ULK4: variants seen among roughly 807,000 people sequenced by gnomAD.
ULK4 encodes inactive serine/threonine-protein kinase ULK4.
Under a neutral mutation model 160.6 loss-of-function variants are expected in ULK4, and 133 were observed. The observed-to-expected ratio is 0.83, with a 90% CI of 0.72 to 0.96. The LOEUF (loss-of-function observed/expected upper bound fraction) is 0.96, where lower values mean the gene tolerates loss of function less well. Ranked by LOEUF, ULK4 falls within the 40% of genes least tolerant of loss-of-function variation. The pLI, the probability that ULK4 is intolerant of heterozygous loss-of-function variation, is 0.00. For missense variants in ULK4, 1,580 were observed against 1,499.5 expected, an observed-to-expected ratio of 1.05 and a Z score of -0.89; for synonymous variants, 534 against 539.8, an observed-to-expected ratio of 0.99 and a Z score of 0.15.
chr3:41,948,052 T>C (rs1392804107), intron 2 of ULK4, among the ~76,000 whole-genome samples: 6 of 152,160 alleles, frequency 3.9e-5, no homozygotes, highest in Non-Finnish European at 1.5e-5. Flanking sequence ...CGACCCCACA[T>C]CCCTCTTCTC....
chr3:41,375,169 G>C (rs1295007852), intron 35 of ULK4, among the ~76,000 whole-genome samples: 1 of 152,114 alleles, frequency 6.6e-6, no homozygotes, highest in Non-Finnish European at 1.5e-5. Flanking sequence ...CCATGGTCAT[G>C]GATAAGAAAA....
At chr3:41,628,612 T>C (rs1373460157) in intron 30 of ULK4, among the ~76,000 whole-genome samples, 1 of 152,178 alleles carries the variant, frequency 6.6e-6, no homozygotes, top group South Asian at 2.1e-4. Context: ...TGTTCCAGAC[T>C]AAGGAGACAG....
intron 22 of ULK4, among the ~76,000 whole-genome samples, chr3:41,724,517 G>A (rs1232720151): frequency 6.6e-6 from 1 of 152,144 alleles, no homozygotes; most frequent in Non-Finnish European, 1.5e-5. Context: ...GAGGTCAGGA[G>A]ATCGAGACCA....
intron 2 of ULK4, among the ~76,000 whole-genome samples, chr3:41,953,367 A>C (rs1700367487): frequency 6.8e-6 from 1 of 146,408 alleles, no homozygotes; most frequent in South Asian, 2.1e-4. Flanking sequence ...CAATGGCATG[A>C]TCCCGGCTTA....
chr3:41,697,108 T>G (rs561158434), intron 27 of ULK4, among the ~76,000 whole-genome samples: 3 of 152,296 alleles, frequency 2.0e-5, no homozygotes, highest in Admixed American at 1.3e-4. Context: ...AATAAGCTTG[T>G]GGTGATTTGT....
intron 32 of ULK4, among the ~76,000 whole-genome samples, chr3:41,537,052 C>T (rs550514961): frequency 2.0e-5 from 3 of 152,306 alleles, no homozygotes; most frequent in South Asian, 4.1e-4. Context: ...GCTTCTTCTA[C>T]ATCTTCTTCC....
At chr3:41,659,440 G>C (rs923049613) in intron 30 of ULK4, among the ~76,000 whole-genome samples, 3 of 152,184 alleles carry the variant, frequency 2.0e-5, no homozygotes, top group African/African-American at 7.2e-5. Flanking sequence ...AAGGGCATAA[G>C]CAGAAAAAGA....
At chr3:41,811,666 G>A (rs1369114553) in intron 19 of ULK4, among the ~76,000 whole-genome samples, 1 of 152,166 alleles carries the variant, frequency 6.6e-6, no homozygotes, top group Non-Finnish European at 1.5e-5. Context: ...AATAAATGTT[G>A]CACGAATGAA....
intron 21 of ULK4, among the ~76,000 whole-genome samples, chr3:41,770,502 G>C (rs907518408): frequency 1.4e-5 from 2 of 146,468 alleles, no homozygotes; most frequent in African/African-American, 5.2e-5. Context: ...TGATTTTATA[G>C]AAAGATACTT....
intron 21 of ULK4, among the ~76,000 whole-genome samples, 173 bp downstream of exon 21, chr3:41,789,488 G>C (rs1173915360): frequency 1.3e-5 from 2 of 152,266 alleles, no homozygotes; most frequent in Admixed American, 6.5e-5. Context: ...TCACTAAAAG[G>C]CTCTTGGAAC....
intron 35 of ULK4, among the ~76,000 whole-genome samples, chr3:41,328,273 A>AC (rs2080374161): frequency 6.6e-6 from 1 of 152,188 alleles, no homozygotes; most frequent in Non-Finnish European, 1.5e-5. Context: ...TGGCCCTGTG[A>AC]CCCTGGCATC....
At chr3:41,526,963 G>A (rs1266784736) in intron 32 of ULK4, among the ~76,000 whole-genome samples, 1 of 152,132 alleles carries the variant, frequency 6.6e-6, no homozygotes, top group South Asian at 2.1e-4. Flanking sequence ...CATCTACCAA[G>A]GAGTTATTGT....
At chr3:41,879,953 C>A (rs899432094) in intron 17 of ULK4, among the ~76,000 whole-genome samples, 2 of 152,010 alleles carry the variant, frequency 1.3e-5, no homozygotes, top group African/African-American at 4.8e-5. Flanking sequence ...CCCATCTCTA[C>A]TAAAAATACA....
intron 30 of ULK4, 28 bp downstream of exon 30, chr3:41,663,579 A>T: frequency 6.3e-7 from 1 of 1,587,940 alleles, no homozygotes; most frequent in Non-Finnish European, 8.6e-7. Context: ...GGTGAGACAC[A>T]AGAAAAAGAA....
chr3:41,670,801 C>T (rs2035513406), intron 29 of ULK4, among the ~76,000 whole-genome samples: 1 of 151,954 alleles, frequency 6.6e-6, no homozygotes, highest in Non-Finnish European at 1.5e-5. Flanking sequence ...CAATAACACT[C>T]AAGGTTTACA....
At chr3:41,903,101 T>A (rs1278968553) in intron 12 of ULK4, among the ~76,000 whole-genome samples, 1 of 152,012 alleles carries the variant, frequency 6.6e-6, no homozygotes, top group African/African-American at 2.4e-5. Context: ...AGAAAAGAAG[T>A]CAATGATAGA....
At chr3:41,720,830 A>G (rs1199016354) in intron 22 of ULK4, among the ~76,000 whole-genome samples, 1 of 152,182 alleles carries the variant, frequency 6.6e-6, no homozygotes, top group Non-Finnish European at 1.5e-5. Flanking sequence ...TGAGCTGGCA[A>G]TAATTTGAAA....
chr3:41,286,500 C>A (rs2079460219), intron 35 of ULK4, among the ~76,000 whole-genome samples: 1 of 152,276 alleles, frequency 6.6e-6, no homozygotes, highest in African/African-American at 2.4e-5. Flanking sequence ...GAGGCTAGGA[C>A]AACCAGCAGA....
intron 35 of ULK4, among the ~76,000 whole-genome samples, chr3:41,282,331 T>C (rs537098804): frequency 6.6e-6 from 1 of 152,128 alleles, no homozygotes; most frequent in African/African-American, 2.4e-5. Context: ...AAAAAGAGCC[T>C]GCATTGCCAA....
Sources: gnomAD v4.1 joint callset for allele counts (sites outside exome capture counted in the v4.1 genomes callset) on GRCh38, gnomAD v4.1.1 for gene constraint, MANE v1.5 for transcripts, NCBI Gene and HGNC (gene_info 2026-07-23, HGNC 2026-07-21) for gene names.